Variants in GRK5 observed in about 807,000 individuals in gnomAD.
GRK5 encodes G protein-coupled receptor kinase 5.
In GRK5, 40 loss-of-function variants were observed where a neutral mutation model predicts 78.4. That is an observed-to-expected ratio of 0.51 (90% CI 0.40 to 0.66). The LOEUF is 0.66. Among genes scored for constraint, GRK5 ranks in the 30% least tolerant of loss-of-function variants. The probability of loss-of-function intolerance (pLI) is 0.00; values close to 1 mark genes in which losing one functional copy is unlikely to be tolerated. For missense variants in GRK5, 598 were observed against 759.9 expected, an observed-to-expected ratio of 0.79 and a Z score of 2.50; for synonymous variants, 289 against 296.8, an observed-to-expected ratio of 0.97 and a Z score of 0.27.
rs1452773757 is a variant in GRK5, at chr10:119,209,482, GTGTGGTTTTTTT to G, written c.52+1515_52+1526del. Among the ~76,000 whole-genome samples the G allele has an allele frequency of 1.2e-3, 146 of 124,142 alleles. 1 individual carries two copies. The highest frequency in any genetic ancestry group is 3.8e-3 in the African/African-American group (123 of 32,184). The allele number at this position is 124,142 out of a possible 152,430, so 81.4% of individuals were successfully genotyped here. On this transcript the variant is annotated intron_variant, in intron 1 of 15. Coordinates refer to ENST00000392870, the MANE Select transcript of GRK5 (RefSeq NM_005308.3). The stretch of plus-strand genomic sequence containing the variant: ...TCTAAGGCCTGAGCTGTGTGTGTGT[GTGTGGTTTTTTT>G]TTTTTTTTTTTTTTTTTTTTCCTAA...
chr10:119,347,647 A>G (rs1421641977), intron 2 of GRK5, among the ~76,000 whole-genome samples: 2 of 152,238 alleles, frequency 1.3e-5, no homozygotes, highest in African/African-American at 2.4e-5. Context: ...CCAGGCTGGA[A>G]CCAGATGGCC....
At chr10:119,329,714 G>A (rs1052568568) in intron 2 of GRK5, among the ~76,000 whole-genome samples, 3 of 150,474 alleles carry the variant, frequency 2.0e-5, no homozygotes, top group Non-Finnish European at 2.9e-5. Flanking sequence ...TGGGGAACTA[G>A]AGTGAAACTC....
Position 119,250,840 on chromosome 10 carries a change from T to C in GRK5, c.52+42871T>C, listed in dbSNP as rs538313526. Reference sequence around the variant, plus strand: ...CTATATTTTTCATATCCCGATGCCATAGCCTGTGCTGCCCAGTCACACTGA... The same window carrying C: ...CTATATTTTTCATATCCCGATGCCACAGCCTGTGCTGCCCAGTCACACTGA... On this transcript the variant is annotated intron_variant, in intron 1 of 15. Transcript: ENST00000392870. Among the ~76,000 whole-genome samples the C allele has an allele frequency of 1.3e-5, 2 of 152,342 alleles. 1 individual carries two copies. Among genetic ancestry groups the C allele is most frequent in the South Asian group, 4.1e-4 (2 of 4,830 alleles).
At chr10:119,209,831 G>A (rs1203655580) in intron 1 of GRK5, among the ~76,000 whole-genome samples, 1 of 152,138 alleles carries the variant, frequency 6.6e-6, no homozygotes, top group Non-Finnish European at 1.5e-5. Flanking sequence ...GACATTTGCT[G>A]CTGTAGATAT....
intron 2 of GRK5, among the ~76,000 whole-genome samples, chr10:119,373,053 G>A (rs1851570861): frequency 6.6e-6 from 1 of 152,268 alleles, no homozygotes; most frequent in Non-Finnish European, 1.5e-5. Context: ...GCATCCAGGT[G>A]TGTGATCAGT....
intron 1 of GRK5, among the ~76,000 whole-genome samples, chr10:119,312,880 C>T (rs1174634381): frequency 1.0e-4 from 1 of 9,866 alleles, no homozygotes; most frequent in Non-Finnish European, 2.8e-4. Context: ...CCCTTGCCAG[C>T]TCTGTGTCCT....
chr10:119,259,071 T>TC (rs1417074091), intron 1 of GRK5, among the ~76,000 whole-genome samples: 2 of 149,390 alleles, frequency 1.3e-5, no homozygotes, highest in Non-Finnish European at 3.0e-5. Flanking sequence ...TTTTCTTTTT[T>TC]TTTTTTTTTT....
At chr10:119,444,035 G>C (rs560661815) in intron 12 of GRK5, among the ~76,000 whole-genome samples, 7 of 152,028 alleles carry the variant, frequency 4.6e-5, no homozygotes, top group East Asian at 1.9e-4. Context: ...TCCAGCCTGT[G>C]GGGGGGTCCA....
intron 6 of GRK5, 147 bp downstream of exon 6, chr10:119,425,232 C>A: frequency 3.4e-6 from 2 of 585,228 alleles, no homozygotes; most frequent in East Asian, 3.1e-5. Context: ...GTTGTGTATT[C>A]TAGAAATGCT....
At chr10:119,218,702 G>A (rs1156236985) in intron 1 of GRK5, among the ~76,000 whole-genome samples, 1 of 152,166 alleles carries the variant, frequency 6.6e-6, no homozygotes, top group Non-Finnish European at 1.5e-5. Flanking sequence ...GGATACCTGA[G>A]CATCCAACTT....
intron 2 of GRK5, among the ~76,000 whole-genome samples, chr10:119,327,190 G>A (rs75923217): frequency 0.012 from 1,899 of 152,302 alleles, 41 homozygotes; most frequent in African/African-American, 0.044. Flanking sequence ...CAGTGGCACA[G>A]CTTAGCCCCC....
At chr10:119,424,852 AGGAC>A in intron 5 of GRK5, 137 bp from the exon 6 acceptor site, 1 of 657,212 alleles carries the variant, frequency 1.5e-6, no homozygotes, top group Non-Finnish European at 2.8e-6. Flanking sequence ...GTAGAATGGC[AGGAC>A]CTCTGGCCAG....
chr10:119,386,276 G>T (rs563820650), intron 3 of GRK5, among the ~76,000 whole-genome samples: 1 of 152,302 alleles, frequency 6.6e-6, no homozygotes, highest in South Asian at 2.1e-4. Context: ...ATGGAGAAGC[G>T]TGAGGACAAA....
rs1250825979 is a variant in GRK5 at position 119,420,364 on chromosome 10, A to C, written c.340-2802A>C. 3.3e-5 allele frequency among the ~76,000 whole-genome samples: 5 copies of C among 151,410 alleles called. No individual in the cohort carries two copies. The South Asian group carries it at 8.3e-4, about 25-fold the overall frequency. Reference sequence around the variant, plus strand: ...AACAAACAAACAAACAAAAAAAAAAAACAAGAAGAAAGAAGGTTTGAAAGC... The same window carrying C: ...AACAAACAAACAAACAAAAAAAAAACACAAGAAGAAAGAAGGTTTGAAAGC... On this transcript the variant is annotated intron_variant, in intron 4 of 15. Transcript: ENST00000392870.
chr10:119,454,168 C>T (rs994214415), intron 15 of GRK5, among the ~76,000 whole-genome samples: 5 of 152,196 alleles, frequency 3.3e-5, no homozygotes, highest in Non-Finnish European at 5.9e-5. Flanking sequence ...TCAAGTAAAA[C>T]GGAAGTTCCA....
rs532666840 is a variant in GRK5, at chr10:119,240,595, C to CT, written c.52+32634dup. Among the ~76,000 whole-genome samples, 1,090 of 152,022 alleles carry CT rather than the reference C, an allele frequency of 7.2e-3. 11 individuals are homozygous for CT. The highest frequency in any genetic ancestry group is 0.012 in the Non-Finnish European group (824 of 67,984). ...TTCTCTAATGACCAGTGATGATGAGCTTTTTTTTAATATGTTTGTTGGCCA... is the reference window on the plus strand; with the variant it reads ...TTCTCTAATGACCAGTGATGATGAGCTTTTTTTTTAATATGTTTGTTGGCCA... On this transcript the variant is annotated intron_variant, in intron 1 of 15. Coordinates refer to ENST00000392870, the MANE Select transcript of GRK5 (RefSeq NM_005308.3).
At chr10:119,401,422 T>G (rs1852148013) in intron 4 of GRK5, among the ~76,000 whole-genome samples, 1 of 152,098 alleles carries the variant, frequency 6.6e-6, no homozygotes, top group Admixed American at 6.5e-5. Flanking sequence ...AAGGGTGGGC[T>G]TGGAAGGGGT....
intron 2 of GRK5, among the ~76,000 whole-genome samples, chr10:119,327,395 T>G (rs953326011): frequency 2.0e-5 from 3 of 151,960 alleles, no homozygotes; most frequent in Admixed American, 6.6e-5. Flanking sequence ...TGCCCTGGGG[T>G]GGGTCCTTCC....
At chr10:119,308,283 C>T (rs542215015) in intron 1 of GRK5, among the ~76,000 whole-genome samples, 8 of 152,264 alleles carry the variant, frequency 5.3e-5, no homozygotes, top group African/African-American at 2.4e-5. Context: ...GCACGCCTCA[C>T]CCTGCCCCGG....
Sources: gnomAD v4.1 joint callset for allele counts (sites outside exome capture counted in the v4.1 genomes callset) on GRCh38, gnomAD v4.1.1 for gene constraint, MANE v1.5 for transcripts, NCBI Gene and HGNC (gene_info 2026-07-23, HGNC 2026-07-21) for gene names.